The following AGO2 variants were observed in gnomAD, a reference collection of about 807,000 sequenced individuals.
The protein encoded by AGO2 is argonaute RISC catalytic component 2.
AGO2 carries 5 observed loss-of-function variants against 102.3 expected under a neutral mutation model. That is an observed-to-expected ratio of 0.05 (90% CI 0.03 to 0.10). AGO2 has a LOEUF of 0.10. Ranked by LOEUF, AGO2 falls within the 10% of genes least tolerant of loss-of-function variation. The probability of loss-of-function intolerance (pLI) is 1.00; values close to 1 mark genes in which losing one functional copy is unlikely to be tolerated. For missense variants in AGO2, 541 were observed against 1,183.7 expected, an observed-to-expected ratio of 0.46 and a Z score of 7.97; for synonymous variants, 449 against 473.1, an observed-to-expected ratio of 0.95 and a Z score of 0.66.
In AGO2 at chr8:140,575,294, G is replaced by T. The variant is rs534274644; in HGVS notation, c.216-2362C>A. ...TCACCTGGCACCTCCCTGGCAGCCA[G>T]GGCACAATCTCACCTGGCACCTCCC... is the stretch of plus-strand genomic sequence containing the variant. On this transcript the variant is annotated intron_variant, in intron 2 of 18. Coordinates refer to ENST00000220592, the MANE Select transcript of AGO2 (RefSeq NM_012154.5). Among the ~76,000 whole-genome samples the T allele has an allele frequency of 2.4e-4, 35 of 148,716 alleles. No homozygotes were observed. The South Asian group carries it at 7.6e-3, about 32-fold the overall frequency.
chr8:140,568,103 C>CAAAAAAAAAAAAAAA (rs553804959), intron 3 of AGO2, among the ~76,000 whole-genome samples: 1 of 110,648 alleles, frequency 9.0e-6, no homozygotes, highest in Non-Finnish European at 1.8e-5. Flanking sequence ...ACTAAAAATA[C>CAAAAAAAAAAAAAAA]AAAAAAAAAA....
At position 140,530,300 on chromosome 8, in the gene AGO2, C is replaced by A. The variant is rs2072568916; in HGVS notation, c.*1744G>T. 1.8e-5 allele frequency: 2 copies of A among 110,942 alleles called. No individual in the cohort carries two copies. The highest frequency in any genetic ancestry group is 3.0e-4 in the East Asian group (1 of 3,356). The allele number at this position is 110,942 out of a possible 1,614,324, so 6.9% of individuals were successfully genotyped here. A position where few individuals can be genotyped will look rare whatever the true frequency, so the allele number is the denominator to read the frequency against. On this transcript the variant is annotated 3_prime_UTR_variant, in exon 19 of 19. Transcript: ENST00000220592. ...TCCTGCTGCCTCCAAAGCAGCTGAG[C>A]ACAAAGGTGGGGGGGGGGGTGCCGC...
rs1234609354 is a variant in AGO2, at chr8:140,521,559, C to A, written c.*10485G>T. On this transcript the variant is annotated 3_prime_UTR_variant, in exon 19 of 19. Transcript: ENST00000220592. ...TCCAAAGAATTAAGTAAAAAAAGAT[C>A]GCCATAGTAGGAAAAGTCTAGAATT... The A allele has an allele frequency of 6.6e-6, 1 of 152,192 alleles. No individual in the cohort carries two copies. Among genetic ancestry groups the A allele is most frequent in the African/African-American group, 2.4e-5 (1 of 41,442 alleles). 9.4% of individuals were successfully genotyped at this position (152,192 alleles called of 1,614,324 possible). A position where few individuals can be genotyped will look rare whatever the true frequency, so the allele number is the denominator to read the frequency against.
chr8:140,580,090 G>A (rs112758374), intron 2 of AGO2, among the ~76,000 whole-genome samples: 4,536 of 152,320 alleles, frequency 0.03, 121 homozygotes, highest in African/African-American at 0.069. Flanking sequence ...GGCTTAGGTC[G>A]TGTGGGCCTT....
At chr8:140,549,938 T>C (rs1263801151) in intron 11 of AGO2, among the ~76,000 whole-genome samples, 3 of 152,086 alleles carry the variant, frequency 2.0e-5, no homozygotes, top group Non-Finnish European at 4.4e-5. Flanking sequence ...CCTTCTACAA[T>C]AAGGGCGAGG....
At chr8:140,552,715 C>T (rs1406455513) in intron 10 of AGO2, among the ~76,000 whole-genome samples, 1 of 151,220 alleles carries the variant, frequency 6.6e-6, no homozygotes, top group Admixed American at 6.6e-5. Context: ...TGCACATGAA[C>T]ACACGCACAT....
At position 140,522,375 on chromosome 8, in the gene AGO2, T is replaced by C. The variant is rs2072428267; in HGVS notation, c.*9669A>G. The C allele has an allele frequency of 6.6e-6, 1 of 152,056 alleles. No individual in the cohort carries two copies. The allele number at this position is 152,056 out of a possible 1,614,324, so 9.4% of individuals were successfully genotyped here. On this transcript the variant is annotated 3_prime_UTR_variant, in exon 19 of 19. Transcript: ENST00000220592. Reference sequence around the variant, plus strand: ...CTCCATTTTATCTCTAAATTTATGATACTTTTATAAAAACAAAAATCCATT... The same window carrying C: ...CTCCATTTTATCTCTAAATTTATGACACTTTTATAAAAACAAAAATCCATT...
chr8:140,640,743 A>T, the AGO2 span, among the ~76,000 whole-genome samples: 1 of 151,170 alleles, frequency 6.6e-6, no homozygotes, highest in Non-Finnish European at 1.5e-5. Context: ...CTGGTCTCGA[A>T]CTCCTGACCT....
At chr8:140,533,719 AT>A (rs1357712127) in intron 17 of AGO2, among the ~76,000 whole-genome samples, 2 of 151,950 alleles carry the variant, frequency 1.3e-5, no homozygotes, top group Admixed American at 1.3e-4. Flanking sequence ...AGGCATGAGA[AT>A]CGCTGGAACC....
chr8:140,640,338 A>T (rs1163023354), upstream of AGO2, among the ~76,000 whole-genome samples: 6 of 150,818 alleles, frequency 4.0e-5, no homozygotes, highest in African/African-American at 7.3e-5. Flanking sequence ...TTGTTTTATT[A>T]TTTTTTTTCT....
chr8:140,602,538 A>C (rs1175686629), intron 1 of AGO2, among the ~76,000 whole-genome samples: 2 of 152,232 alleles, frequency 1.3e-5, no homozygotes, highest in Non-Finnish European at 1.5e-5. Flanking sequence ...CCGTGAAATA[A>C]GCTTTAGCTT....
chr8:140,636,291 A>G (rs1001013608), upstream of AGO2: 2 of 152,242 alleles, frequency 1.3e-5, no homozygotes, highest in African/African-American at 4.8e-5. Context: ...AGTTTTTAGT[A>G]AACTGTAGCT....
intron 2 of AGO2, among the ~76,000 whole-genome samples, chr8:140,573,576 G>T (rs2073419242): frequency 2.6e-5 from 4 of 152,176 alleles, no homozygotes. Context: ...CCCATGAGTG[G>T]GTTTGTGCTT....
intron 4 of AGO2, among the ~76,000 whole-genome samples, chr8:140,561,701 C>T (rs1564087865): frequency 6.6e-6 from 1 of 152,242 alleles, no homozygotes; most frequent in Non-Finnish European, 1.5e-5. Flanking sequence ...AAAGCACCTT[C>T]TCTTCTATGA....
At chr8:140,637,377 C>T (rs2074417368), upstream of AGO2, 2 of 152,238 alleles carry the variant, frequency 1.3e-5, no homozygotes, top group South Asian at 4.1e-4. Context: ...CGACTGCACG[C>T]CTCAGCAAAG....
upstream of AGO2, among the ~76,000 whole-genome samples, chr8:140,635,951 G>A (rs924005105): frequency 2.0e-5 from 3 of 148,772 alleles, no homozygotes; most frequent in Admixed American, 2.0e-4. Context: ...CGGCCCCGGG[G>A]ACCCTTCACT....
In AGO2 at chr8:140,567,956, T is replaced by C. The variant is rs1164432548; in HGVS notation, c.336+4856A>G. Among the ~76,000 whole-genome samples, 1 of 151,794 alleles carries C rather than the reference T, an allele frequency of 6.6e-6. No homozygotes were observed. Among genetic ancestry groups the C allele is most frequent in the East Asian group, 1.9e-4 (1 of 5,138 alleles). ...GCCCGGGCAATGTGGCAAAACTCTG[T>C]CCCTACAAAAAGAAAATTAGTGGCG... On this transcript the variant is annotated intron_variant, in intron 3 of 18. Coordinates refer to ENST00000220592, the MANE Select transcript of AGO2 (RefSeq NM_012154.5). The surrounding 1 kb of genome is among the most constrained non-coding windows in gnomAD (Gnocchi z 5.0).
chr8:140,552,691 C>T (rs1033725660), intron 10 of AGO2, among the ~76,000 whole-genome samples: 5 of 152,026 alleles, frequency 3.3e-5, no homozygotes, highest in South Asian at 4.1e-4. Flanking sequence ...CACACACACA[C>T]GCATGCACTC....
intron 1 of AGO2, among the ~76,000 whole-genome samples, chr8:140,606,649 A>G (rs905325873): frequency 2.0e-5 from 3 of 152,198 alleles, no homozygotes; most frequent in African/African-American, 7.2e-5. Flanking sequence ...TAAAAATTCT[A>G]TAATTGGCTG....
Sources: gnomAD v4.1 joint callset for allele counts (sites outside exome capture counted in the v4.1 genomes callset) on GRCh38, gnomAD v4.1.1 for gene constraint, Gnocchi (gnomAD v3.1) non-coding constraint, MANE v1.5 for transcripts, NCBI Gene and HGNC (gene_info 2026-07-23, HGNC 2026-07-21) for gene names.